The following FBXO21 variants were observed in gnomAD, a reference collection of about 807,000 sequenced individuals.
FBXO21 encodes the protein F-box only protein 21.
FBXO21 carries 32 observed loss-of-function variants against 76.6 expected under a neutral mutation model. That is an observed-to-expected ratio of 0.42 (90% CI 0.32 to 0.56). The LOEUF (loss-of-function observed/expected upper bound fraction) is 0.56. Ranked by LOEUF, FBXO21 falls within the 20% of genes least tolerant of loss-of-function variation. The pLI is 0.16. For synonymous variants in FBXO21, 328 were observed against 311.5 expected, an observed-to-expected ratio of 1.05 and a Z score of -0.56; for missense variants, 586 against 797.3, an observed-to-expected ratio of 0.73 and a Z score of 3.19.
At chr12:117,150,481 C>A (rs1228059720) in intron 11 of FBXO21, among the ~76,000 whole-genome samples, 1 of 152,180 alleles carries the variant, frequency 6.6e-6, no homozygotes, top group African/African-American at 2.4e-5. Context: ...CAGCTAGATA[C>A]CCTAAGTATA....
intron 9 of FBXO21, among the ~76,000 whole-genome samples, chr12:117,159,961 G>A (rs1955959474): frequency 6.6e-6 from 1 of 152,204 alleles, no homozygotes; most frequent in African/African-American, 2.4e-5. Context: ...TTTGCAGACA[G>A]TGTTGACCCA....
At position 117,186,573 on chromosome 12, in the gene FBXO21, T is replaced by TATG; in HGVS notation, c.376-5_376-3dup. 1 of 1,600,002 alleles carries TATG rather than the reference T, an allele frequency of 6.2e-7. No homozygotes were observed. Among genetic ancestry groups the TATG allele is most frequent in the Non-Finnish European group, 8.5e-7 (1 of 1,171,168 alleles). On this transcript the variant is annotated splice_region_variant and splice_polypyrimidine_tract_variant and intron_variant, in intron 2 of 11. Transcript: ENST00000622495. Reference sequence around the variant, plus strand: ...GTCACTGAAGCCATTACAAGGAACCTATGAAGAAGACATATACAAGTAGGC... The same window carrying TATG: ...GTCACTGAAGCCATTACAAGGAACCTATGATGAAGAAGACATATACAAGTAGGC...
intron 3 of FBXO21, among the ~76,000 whole-genome samples, chr12:117,183,760 T>TG (rs1214102496): frequency 6.6e-6 from 1 of 152,184 alleles, no homozygotes; most frequent in African/African-American, 2.4e-5. Flanking sequence ...TTGGTTAAGG[T>TG]GGTCTCCCTT....
At chr12:117,170,129 ATTACCAT>A (rs1956102377) in intron 7 of FBXO21, among the ~76,000 whole-genome samples, 1 of 144,956 alleles carries the variant, frequency 6.9e-6, no homozygotes, top group Non-Finnish European at 1.5e-5. Flanking sequence ...AATCTTAAAA[ATTACCAT>A]TTACAACTGA....
intron 7 of FBXO21, 104 bp from the exon 8 acceptor site, chr12:117,167,181 T>G (rs1426174493): frequency 3.5e-6 from 3 of 848,480 alleles, no homozygotes; most frequent in Non-Finnish European, 5.5e-6. Context: ...ACCATAACAT[T>G]TCTACTTACA....
chr12:117,142,991 C>T lies in FBXO21; in HGVS notation c.*3096G>A, dbSNP rs1955731618. On this transcript the variant is annotated 3_prime_UTR_variant, in exon 12 of 12. Transcript: ENST00000622495. Reference sequence around the variant, plus strand: ...TGGTTTTCTCAATAAAATCATTTTGCTGTGTAAACGCGCTTATAATGGGGA... The same window carrying T: ...TGGTTTTCTCAATAAAATCATTTTGTTGTGTAAACGCGCTTATAATGGGGA... The T allele has an allele frequency of 2.6e-5, 4 of 152,200 alleles. No individual in the cohort carries two copies. The highest frequency in any genetic ancestry group is 2.6e-4 in the Admixed American group (4 of 15,288). 9.4% of individuals were successfully genotyped at this position (152,200 alleles called of 1,614,324 possible). A position where few individuals can be genotyped will look rare whatever the true frequency, so the allele number is the denominator to read the frequency against.
At chr12:117,180,356 G>A (rs1327339901) in intron 3 of FBXO21, among the ~76,000 whole-genome samples, 3 of 152,176 alleles carry the variant, frequency 2.0e-5, no homozygotes, top group African/African-American at 4.8e-5. Context: ...GTGTGTACAT[G>A]TACATATGCA....
chr12:117,165,222 G>A (rs1406952664), intron 9 of FBXO21, among the ~76,000 whole-genome samples: 1 of 152,144 alleles, frequency 6.6e-6, no homozygotes, highest in Non-Finnish European at 1.5e-5. Context: ...GGCCCCAGTG[G>A]TTGAGTAGCG....
chr12:117,177,387 G>T, intron 4 of FBXO21, 133 bp downstream of exon 4: 1 of 806,196 alleles, frequency 1.2e-6, no homozygotes, highest in Non-Finnish European at 1.9e-6. Context: ...AATCCAACCT[G>T]CAGAAGCCCA....
Position 117,189,366 on chromosome 12 carries a change from C to T in FBXO21, c.240-4G>A, listed in dbSNP as rs541901903. On this transcript the variant is annotated splice_region_variant and splice_polypyrimidine_tract_variant and intron_variant, in intron 1 of 11. Transcript: ENST00000622495. The stretch of plus-strand genomic sequence containing the variant: ...GTGTTTCATAAGGGAAGGCCACCTA[C>T]GAGGAGAGAAACACCCCCTCAGCTT... 1.9e-5 allele frequency: 30 copies of T among 1,614,102 alleles called. No homozygotes were observed. In the South Asian group the frequency reaches 3.2e-4, roughly 17 times the overall value.
chr12:117,186,906 A>C (rs1296988161), intron 2 of FBXO21, among the ~76,000 whole-genome samples: 1 of 152,180 alleles, frequency 6.6e-6, no homozygotes, highest in Admixed American at 6.5e-5. Flanking sequence ...GCAGGCAGAT[A>C]ACCTGAGGTA....
intron 11 of FBXO21, among the ~76,000 whole-genome samples, chr12:117,154,778 A>G (rs1473765514): frequency 6.6e-6 from 1 of 152,194 alleles, no homozygotes; most frequent in Non-Finnish European, 1.5e-5. Flanking sequence ...GCCTTTCAGA[A>G]AGTTCTGAGG....
chr12:117,178,022 G>A (rs559690646), intron 3 of FBXO21, among the ~76,000 whole-genome samples: 10 of 152,076 alleles, frequency 6.6e-5, no homozygotes, highest in Non-Finnish European at 1.2e-4. Flanking sequence ...AGTTCCTCAC[G>A]GTTTCACATA....
chr12:117,155,211 C>A (rs1955897952), intron 11 of FBXO21: 1 of 152,802 alleles, frequency 6.5e-6, no homozygotes, highest in Non-Finnish European at 1.5e-5. Flanking sequence ...TTGTCTCTTA[C>A]CAGCTTCCAC....
Position 117,155,780 on chromosome 12 carries a change from C to G in FBXO21, c.1675+11G>C, listed in dbSNP as rs1955908845. On this transcript the variant is annotated intron_variant, in intron 11 of 11. Coordinates refer to ENST00000622495, the MANE Select transcript of FBXO21 (RefSeq NM_015002.3). ...GCGGGGCCACTGGCACAAGCGGAAC[C>G]CGCCGCTTACCTTGGGCTGCGTATC... is the stretch of plus-strand genomic sequence containing the variant. 1 of 1,609,562 alleles carries G rather than the reference C, an allele frequency of 6.2e-7. No individual in the cohort carries two copies. The highest frequency in any genetic ancestry group is 1.3e-5 in the African/African-American group (1 of 75,026).
chr12:117,183,580 T>C (rs1300429453), intron 3 of FBXO21, among the ~76,000 whole-genome samples: 5 of 152,218 alleles, frequency 3.3e-5, no homozygotes. Context: ...TTTTGAATAG[T>C]GTATTAAAAG....
chr12:117,180,130 G>C (rs569531513), intron 3 of FBXO21, among the ~76,000 whole-genome samples: 2 of 149,576 alleles, frequency 1.3e-5, no homozygotes, highest in African/African-American at 4.8e-5. Flanking sequence ...TTACTATCTG[G>C]TTAGGTTTCC....
intron 2 of FBXO21, 167 bp downstream of exon 2, chr12:117,189,060 G>T: frequency 1.4e-6 from 1 of 733,814 alleles, no homozygotes; most frequent in Non-Finnish European, 2.2e-6. Flanking sequence ...TCGTGTTGTT[G>T]GATAGGAGGA....
intron 2 of FBXO21, among the ~76,000 whole-genome samples, chr12:117,187,898 C>G (rs1028567969): frequency 5.3e-5 from 8 of 152,204 alleles, no homozygotes; most frequent in African/African-American, 1.9e-4. Flanking sequence ...AAGTAAAATA[C>G]AAATTTTGTT....
Sources: gnomAD v4.1 joint callset for allele counts (sites outside exome capture counted in the v4.1 genomes callset) on GRCh38, gnomAD v4.1.1 for gene constraint, MANE v1.5 for transcripts, NCBI Gene and HGNC (gene_info 2026-07-23, HGNC 2026-07-21) for gene names.